The following ANKRD28 variants were observed in gnomAD, a reference collection of about 807,000 sequenced individuals.
ANKRD28 encodes the protein ankyrin repeat domain 28, also known as serine/threonine-protein phosphatase 6 regulatory ankyrin repeat subunit A.
In ANKRD28, 44 loss-of-function variants were observed where a neutral mutation model predicts 126.5. The observed-to-expected ratio is 0.35, with a 90% CI of 0.27 to 0.45. The LOEUF (loss-of-function observed/expected upper bound fraction) is 0.45, where lower values mean the gene tolerates loss of function less well. Ranked by LOEUF, ANKRD28 falls within the 20% of genes least tolerant of loss-of-function variation. ANKRD28 has a pLI of 1.00. For synonymous variants in ANKRD28, 442 were observed against 468.5 expected (o/e 0.94, Z 0.73); for missense variants, 1,110 against 1,316.6 (o/e 0.84, Z 2.43).
At chr3:15,782,355 C>CA (rs1559522368) in intron 2 of ANKRD28, among the ~76,000 whole-genome samples, 1 of 151,710 alleles carries the variant, frequency 6.6e-6, no homozygotes, top group Non-Finnish European at 1.5e-5. Context: ...TACATTAGGA[C>CA]AAAAAATTAT....
rs2061704716 is a variant in ANKRD28, at chr3:15,853,831, CA to C, written c.27+5545del. On this transcript the variant is annotated intron_variant, in intron 1 of 27. Transcript: ENST00000399451. The surrounding 1 kb of genome is among the most constrained non-coding windows in gnomAD (Gnocchi z 4.2). ...ATTTACCCTACTGGAACTATGTATC[CA>C]AAAAATTACCAATTATCATACAAAT... Among the ~76,000 whole-genome samples the C allele has an allele frequency of 6.6e-6, 1 of 151,956 alleles. No homozygotes were observed. The highest frequency in any genetic ancestry group is 2.4e-5 in the African/African-American group (1 of 41,342).
At chr3:15,810,851 A>C (rs940090428) in intron 1 of ANKRD28, among the ~76,000 whole-genome samples, 1 of 152,182 alleles carries the variant, frequency 6.6e-6, no homozygotes, top group East Asian at 1.9e-4. Flanking sequence ...CAACTTGAAC[A>C]CTGCCTATGT....
rs1221058751 is a variant in ANKRD28, at chr3:15,815,795, T to C, written c.28-20489A>G. ...TTTCTTCCCTTGTCAAAATTATTTA[T>C]GAACAAATCAACCTCATCAGAAAAT... On this transcript the variant is annotated intron_variant, in intron 1 of 27. Transcript: ENST00000399451. This position sits in a 1 kb window ranked among gnomAD's most constrained non-coding sequence, Gnocchi z 4.1. 1.3e-5 allele frequency among the ~76,000 whole-genome samples: 2 copies of C among 152,240 alleles called. No individual in the cohort carries two copies. Among genetic ancestry groups the C allele is most frequent in the Admixed American group, 1.3e-4 (2 of 15,288 alleles).
intron 1 of ANKRD28, among the ~76,000 whole-genome samples, chr3:15,856,102 T>C (rs149652174): frequency 2.1e-3 from 315 of 152,322 alleles, no homozygotes; most frequent in African/African-American, 7.4e-3. Flanking sequence ...AAAGCATTAA[T>C]TGTTGTCAAC....
chr3:15,685,097 G>A (rs978031878), intron 21 of ANKRD28, 129 bp downstream of exon 21: 7 of 858,518 alleles, frequency 8.2e-6, no homozygotes, highest in African/African-American at 1.7e-5. Flanking sequence ...TTATTAGTAC[G>A]TGAGCCTATA....
In ANKRD28 at chr3:15,850,202, A is replaced by ATATATATATATAT. The variant is rs1455598240; in HGVS notation, c.27+9174_27+9175insATATATATATATA. ...TATCTACATGCAATAAAAAAAAAAAAAAATATATATATATATATATATAGA... is the reference window on the plus strand; with the variant it reads ...TATCTACATGCAATAAAAAAAAAAAATATATATATATATAAATATATATATATATATATATAGA... On this transcript the variant is annotated intron_variant, in intron 1 of 27. Coordinates refer to the ANKRD28 transcript ENST00000399451. Among the ~76,000 whole-genome samples, 92 of 55,008 alleles carry ATATATATATATAT rather than the reference A, an allele frequency of 1.7e-3. 2 individuals are homozygous for ATATATATATATAT. The highest frequency in any genetic ancestry group is 3.3e-3 in the Admixed American group (16 of 4,874). The allele number at this position is 55,008 out of a possible 152,430, so 36.1% of individuals were successfully genotyped here. A position where few individuals can be genotyped will look rare whatever the true frequency, so the allele number is the denominator to read the frequency against.
intron 27 of ANKRD28, among the ~76,000 whole-genome samples, chr3:15,675,544 T>A (rs962036360): frequency 6.6e-6 from 1 of 152,204 alleles, no homozygotes; most frequent in African/African-American, 2.4e-5. Context: ...GGACAGGATC[T>A]AGTGCATGAG....
chr3:15,679,360 A>G lies in ANKRD28; in HGVS notation c.2502T>C (p.Ala834=), dbSNP rs1467046101. The G allele has an allele frequency of 1.9e-6, 3 of 1,613,730 alleles. No homozygotes were observed. The highest frequency in any genetic ancestry group is 2.5e-6 in the Non-Finnish European group (3 of 1,179,656). The change falls in exon 23 of 28, where the codon GCT becomes GCC. Residue 834 remains alanine, a synonymous_variant. Transcript: ENST00000683139. ...CAVINDNEGA[A]EMLIDTLGAS... Reference sequence around the variant, plus strand: ...CACCTAATGTATCAATTAACATCTCAGCAGCACCTTCGTTGTCATTTATCC... The same window carrying G: ...CACCTAATGTATCAATTAACATCTCGGCAGCACCTTCGTTGTCATTTATCC...
intron 2 of ANKRD28, among the ~76,000 whole-genome samples, chr3:15,779,331 T>C (rs994412256): frequency 6.6e-6 from 1 of 152,176 alleles, no homozygotes; most frequent in South Asian, 2.1e-4. Context: ...GGAACCAGCA[T>C]AGTAACTGGC....
chr3:15,797,480 C>G lies in ANKRD28; in HGVS notation c.-959G>C. On this transcript the variant is annotated 5_prime_UTR_variant, in exon 1 of 28. Coordinates refer to ENST00000683139, the MANE Select transcript of ANKRD28 (RefSeq NM_001349278.2). The stretch of plus-strand genomic sequence containing the variant: ...GGCAGAAATGGTGTTAGTGGAGAAT[C>G]CTAGTAGAACAAGCAGGCTGTGAAG... The G allele has an allele frequency of 2.0e-6, 2 of 985,098 alleles. No homozygotes were observed. The highest frequency in any genetic ancestry group is 2.4e-6 in the Non-Finnish European group (2 of 829,894). 61.0% of individuals were successfully genotyped at this position (985,098 alleles called of 1,614,324 possible).
chr3:15,859,345 G>A (rs916993197), intron 1 of ANKRD28: 1 of 1,522,420 alleles, frequency 6.6e-7, no homozygotes. Flanking sequence ...CTTCCCGGAC[G>A]GCGCGATCCC....
At chr3:15,798,711 C>T (rs2060383644), upstream of ANKRD28, among the ~76,000 whole-genome samples, 1 of 152,022 alleles carries the variant, frequency 6.6e-6, no homozygotes, top group Non-Finnish European at 1.5e-5. Flanking sequence ...TACAAATAAT[C>T]TCCCTCCCTA....
intron 27 of ANKRD28, among the ~76,000 whole-genome samples, chr3:15,673,612 G>C (rs1469793392): frequency 6.6e-6 from 1 of 152,054 alleles, no homozygotes; most frequent in Non-Finnish European, 1.5e-5. Flanking sequence ...GAATGCTATG[G>C]TAGGGGTATC....
At chr3:15,748,680 C>T (rs1216223237) in intron 4 of ANKRD28, among the ~76,000 whole-genome samples, 2 of 152,264 alleles carry the variant, frequency 1.3e-5, no homozygotes, top group Admixed American at 6.5e-5. Flanking sequence ...AGGTGATAAT[C>T]TTTCTGTGAT....
chr3:15,792,386 C>T (rs1261283127), intron 2 of ANKRD28, among the ~76,000 whole-genome samples: 1 of 151,990 alleles, frequency 6.6e-6, no homozygotes, highest in African/African-American at 2.4e-5. Flanking sequence ...ACTCGTCAGC[C>T]ATAAAAAAAC....
chr3:15,767,081 C>G (rs1215411409), intron 2 of ANKRD28, among the ~76,000 whole-genome samples: 1 of 152,140 alleles, frequency 6.6e-6, no homozygotes, highest in East Asian at 1.9e-4. Context: ...ACTTTCATCT[C>G]CAAAATATAT....
chr3:15,734,018 ATAACAAAAGTT>A (rs1377379001), intron 6 of ANKRD28, among the ~76,000 whole-genome samples: 2 of 152,256 alleles, frequency 1.3e-5, no homozygotes, highest in Non-Finnish European at 2.9e-5. Flanking sequence ...TGACCCTGGA[ATAACAAAAGTT>A]TGAACTGTGT....
intron 11 of ANKRD28, 50 bp from the exon 12 acceptor site, chr3:15,711,324 A>G: frequency 1.4e-6 from 2 of 1,429,910 alleles, no homozygotes; most frequent in Non-Finnish European, 2.0e-6. Flanking sequence ...ATTTTACACT[A>G]AAGAATTGTG....
chr3:15,760,378 A>C (rs2058391395), intron 3 of ANKRD28, among the ~76,000 whole-genome samples: 2 of 152,236 alleles, frequency 1.3e-5, no homozygotes, highest in African/African-American at 4.8e-5. Context: ...ACACCTGTGC[A>C]TGTACTCCTG....
Sources: gnomAD v4.1 joint callset for allele counts (sites outside exome capture counted in the v4.1 genomes callset) on GRCh38, gnomAD v4.1.1 for gene constraint, Gnocchi (gnomAD v3.1) non-coding constraint, MANE v1.5 for transcripts, NCBI Gene and HGNC (gene_info 2026-07-23, HGNC 2026-07-21) for gene names.